AREL1: variants seen among roughly 807,000 people sequenced by gnomAD.
AREL1 encodes apoptosis resistant E3 ubiquitin protein ligase 1.
Under a neutral mutation model 99.0 loss-of-function variants are expected in AREL1, and 62 were observed. The observed-to-expected ratio is 0.63, with a 90% CI of 0.51 to 0.77. The LOEUF (loss-of-function observed/expected upper bound fraction) is 0.77. Among genes scored for constraint, AREL1 ranks in the 30% least tolerant of loss-of-function variants. AREL1 has a pLI of 0.00. For missense variants in AREL1, 879 were observed against 1,027.6 expected (o/e 0.86, Z 1.98); for synonymous variants, 380 against 376.5 (o/e 1.01, Z -0.11).
intron 5 of AREL1, chr14:74,678,219 G>A: frequency 2.2e-6 from 1 of 455,154 alleles, no homozygotes; most frequent in Non-Finnish European, 4.4e-6. Context: ...TAATCAGGCT[G>A]TGTGACTTGG....
chr14:74,673,628 T>G (rs988843127), intron 9 of AREL1, among the ~76,000 whole-genome samples: 2 of 152,164 alleles, frequency 1.3e-5, no homozygotes, highest in Admixed American at 6.5e-5. Context: ...TGGGCAAAAG[T>G]TTAGATTCCA....
intron 5 of AREL1, among the ~76,000 whole-genome samples, chr14:74,682,309 G>A (rs764189809): frequency 9.2e-5 from 14 of 152,134 alleles, no homozygotes; most frequent in Non-Finnish European, 1.6e-4. Context: ...GGGACCCCAG[G>A]TCCTATTATT....
chr14:74,669,872 T>C, intron 14 of AREL1, 75 bp downstream of exon 14: 1 of 1,580,408 alleles, frequency 6.3e-7, no homozygotes, highest in South Asian at 1.2e-5. Flanking sequence ...TAAAAATTAT[T>C]TACAAGCCCA....
intron 1 of AREL1, among the ~76,000 whole-genome samples, chr14:74,696,967 AAATAAAATAAAAT>A (rs1013915137): frequency 2.6e-5 from 4 of 152,140 alleles, no homozygotes; most frequent in Non-Finnish European, 4.4e-5. Context: ...TCGTCTCAAA[AAATAAAATAAAAT>A]AATAAAATAA....
intron 8 of AREL1, among the ~76,000 whole-genome samples, chr14:74,674,717 A>G (rs887945937): frequency 2.0e-5 from 3 of 152,232 alleles, no homozygotes; most frequent in Non-Finnish European, 1.5e-5. Context: ...TCACTTTATG[A>G]GAACAGAATA....
intron 15 of AREL1, among the ~76,000 whole-genome samples, chr14:74,668,236 A>G (rs1331004186): frequency 1.3e-5 from 2 of 152,250 alleles, no homozygotes; most frequent in African/African-American, 4.8e-5. Context: ...CAGAATTGGT[A>G]TCCCCCAATA....
chr14:74,705,802 C>T (rs192099572), intron 1 of AREL1, among the ~76,000 whole-genome samples: 30 of 152,292 alleles, frequency 2.0e-4, no homozygotes, highest in South Asian at 8.3e-4. Context: ...TCTTCAGACC[C>T]GTATTTCTTT....
chr14:74,685,864 T>C (rs2089737200), intron 2 of AREL1, among the ~76,000 whole-genome samples: 1 of 152,214 alleles, frequency 6.6e-6, no homozygotes, highest in Admixed American at 6.5e-5. Flanking sequence ...CCTTAAAGAC[T>C]TCCAATCTAC....
intron 1 of AREL1, among the ~76,000 whole-genome samples, chr14:74,695,528 C>T (rs890804553): frequency 6.6e-6 from 1 of 152,100 alleles, no homozygotes; most frequent in Non-Finnish European, 1.5e-5. Flanking sequence ...GCTTCAGTAC[C>T]TCTACTGAGC....
intron 1 of AREL1, among the ~76,000 whole-genome samples, chr14:74,703,416 C>A (rs975476125): frequency 7.9e-5 from 12 of 152,176 alleles, no homozygotes; most frequent in Non-Finnish European, 1.6e-4. Flanking sequence ...CCTCCCACAA[C>A]AATGGGAATT....
chr14:74,662,592 G>A lies in AREL1; in HGVS notation c.*1128C>T, dbSNP rs1260974923. 1.0e-5 allele frequency: 4 copies of A among 398,414 alleles called. No homozygotes were observed. The highest frequency in any genetic ancestry group is 1.8e-5 in the Non-Finnish European group (4 of 226,078). 24.7% of individuals were successfully genotyped at this position (398,414 alleles called of 1,614,324 possible). ...TTAGTTCTCCTTCCTGATAACTGAT[G>A]GAGCAAAGGGGAGTACAGGGGTTGG... On this transcript the variant is annotated 3_prime_UTR_variant, in exon 20 of 20. Transcript: ENST00000356357.
At chr14:74,712,226 G>A (rs1376457798) in intron 1 of AREL1, among the ~76,000 whole-genome samples, 1 of 152,042 alleles carries the variant, frequency 6.6e-6, no homozygotes, top group Admixed American at 6.6e-5. Context: ...GGTCAAAGAA[G>A]GTAATATGAA....
chr14:74,679,252 A>T (rs184422612), intron 5 of AREL1, among the ~76,000 whole-genome samples: 38 of 152,324 alleles, frequency 2.5e-4, no homozygotes, highest in Non-Finnish European at 5.1e-4. Context: ...GCAAAGCCCC[A>T]TCTCTACAAA....
intron 2 of AREL1, among the ~76,000 whole-genome samples, chr14:74,688,889 T>C (rs1339922582): frequency 6.6e-6 from 1 of 152,008 alleles, no homozygotes; most frequent in African/African-American, 2.4e-5. Context: ...TAGGATGGAG[T>C]GCAGTGGCAT....
At chr14:74,679,392 A>G (rs1422946725) in intron 5 of AREL1, among the ~76,000 whole-genome samples, 1 of 152,212 alleles carries the variant, frequency 6.6e-6, no homozygotes, top group Non-Finnish European at 1.5e-5. Context: ...ACTGCACGCC[A>G]TCATGGGTGA....
At position 74,689,598 on chromosome 14, in the gene AREL1, T is replaced by C. The variant is rs1292639998; in HGVS notation, c.-46+2443A>G. Among the ~76,000 whole-genome samples the C allele has an allele frequency of 6.2e-4, 89 of 144,522 alleles. 1 individual carries two copies. Among genetic ancestry groups the C allele is most frequent in the East Asian group, 3.2e-3 (16 of 4,996 alleles). 94.8% of individuals were successfully genotyped at this position (144,522 alleles called of 152,430 possible). ...TTTATCTTATAGCACTTTTCTTTTT[T>C]TTTTTTTTTTTTTTTTGGGACGGAG... is the stretch of plus-strand genomic sequence containing the variant. On this transcript the variant is annotated intron_variant, in intron 2 of 19. Coordinates refer to ENST00000356357, the MANE Select transcript of AREL1 (RefSeq NM_001039479.2).
chr14:74,713,043 T>A lies in AREL1; in HGVS notation c.-444A>T. 7.7e-7 allele frequency: 1 copy of A among 1,295,364 alleles called. No individual in the cohort carries two copies. 80.2% of individuals were successfully genotyped at this position (1,295,364 alleles called of 1,614,324 possible). A position where few individuals can be genotyped will look rare whatever the true frequency, so the allele number is the denominator to read the frequency against. ...ACTCTCCCACCAACAGACCCCAGAGTTGGTCTCCACCCGGCCTGGGAACCG... is the reference window on the plus strand; with the variant it reads ...ACTCTCCCACCAACAGACCCCAGAGATGGTCTCCACCCGGCCTGGGAACCG... On this transcript the variant is annotated 5_prime_UTR_variant, in exon 1 of 20. Coordinates refer to ENST00000356357, the MANE Select transcript of AREL1 (RefSeq NM_001039479.2).
In AREL1 at chr14:74,671,457, G is replaced by A. The variant is rs1334965654; in HGVS notation, c.1449C>T (p.Ser483=). ...ESSLKATRNF[S]ISDWSKNFEV... is the part of the protein sequence containing the mutation. ...CAAAGTTCTTGCTCCAATCTGAGATGGAGAAATTCCGAGTGGCTTTCAGAG... is the reference window on the plus strand; with the variant it reads ...CAAAGTTCTTGCTCCAATCTGAGATAGAGAAATTCCGAGTGGCTTTCAGAG... Residue 483 remains serine (S), a synonymous_variant, in exon 12 of 20, where the codon TCC becomes TCT. Coordinates refer to ENST00000356357, the MANE Select transcript of AREL1 (RefSeq NM_001039479.2). 15 of 1,595,548 alleles carry A rather than the reference G, an allele frequency of 9.4e-6. 1 individual carries two copies. In the East Asian group the frequency reaches 3.5e-4, roughly 37 times the overall value.
At chr14:74,703,221 G>A (rs1162069411) in intron 1 of AREL1, among the ~76,000 whole-genome samples, 2 of 152,192 alleles carry the variant, frequency 1.3e-5, no homozygotes, top group African/African-American at 4.8e-5. Flanking sequence ...CCACATGGCT[G>A]GGAGGCCTCA....
Sources: gnomAD v4.1 joint callset for allele counts (sites outside exome capture counted in the v4.1 genomes callset) on GRCh38, gnomAD v4.1.1 for gene constraint, MANE v1.5 for transcripts, NCBI Gene and HGNC (gene_info 2026-07-23, HGNC 2026-07-21) for gene names.